SPINK5: variants seen among roughly 807,000 people sequenced by gnomAD.
SPINK5 encodes serine peptidase inhibitor Kazal type 5, also known as serine protease inhibitor Kazal-type 5.
A neutral mutation model predicts 151.8 loss-of-function variants in SPINK5; 125 were observed. The ratio of observed to expected loss-of-function variants is 0.82; its 90% CI spans 0.71 to 0.96. The LOEUF (loss-of-function observed/expected upper bound fraction) is 0.96. Ranked by LOEUF, SPINK5 falls within the 40% of genes least tolerant of loss-of-function variation. The pLI, the probability that SPINK5 is intolerant of heterozygous loss-of-function variation, is 0.00. For missense variants in SPINK5, 1,194 were observed against 1,291.9 expected (o/e 0.92, Z 1.16); for synonymous variants, 374 against 395.3 (o/e 0.95, Z 0.64).
intron 10 of SPINK5, among the ~76,000 whole-genome samples, chr5:148,096,695 G>C (rs1753470192): frequency 6.6e-6 from 1 of 150,692 alleles, no homozygotes; most frequent in Non-Finnish European, 1.5e-5. Flanking sequence ...CCCTCTGCCA[G>C]TATAACTCCA....
chr5:148,094,795 A>G (rs1581073804), intron 9 of SPINK5, among the ~76,000 whole-genome samples: 1 of 152,102 alleles, frequency 6.6e-6, no homozygotes, highest in East Asian at 1.9e-4. Context: ...TGGGGGTAAA[A>G]GCAGGTACCA....
chr5:148,097,551 C>T (rs183864606), intron 10 of SPINK5, among the ~76,000 whole-genome samples: 3 of 152,004 alleles, frequency 2.0e-5, no homozygotes, highest in Admixed American at 6.6e-5. Context: ...TTTCATTGTA[C>T]TTGTACACAC....
At chr5:148,099,559 T>C (rs1216365922) in intron 12 of SPINK5, among the ~76,000 whole-genome samples, 8 of 152,086 alleles carry the variant, frequency 5.3e-5, no homozygotes, top group African/African-American at 1.9e-4. Flanking sequence ...CTTCTAGTTT[T>C]ATCACTTATA....
intron 4 of SPINK5, among the ~76,000 whole-genome samples, chr5:148,074,579 G>A (rs1036316982): frequency 7.3e-5 from 11 of 151,534 alleles, no homozygotes; most frequent in Non-Finnish European, 1.3e-4. Context: ...CCCCTTCTTA[G>A]TTCATGTTGT....
intron 5 of SPINK5, 112 bp from the exon 6 acceptor site, chr5:148,088,430 C>G (rs1753216333): frequency 2.3e-6 from 2 of 861,080 alleles, no homozygotes; most frequent in Non-Finnish European, 3.9e-6. Flanking sequence ...TACTATGTGG[C>G]AGCTGTTTTC....
At chr5:148,078,320 G>T (rs1450620237) in intron 4 of SPINK5, among the ~76,000 whole-genome samples, 2 of 150,928 alleles carry the variant, frequency 1.3e-5, no homozygotes, top group Non-Finnish European at 3.0e-5. Context: ...GAAATGAAAA[G>T]AAATGAAGAA....
chr5:148,114,498 A>C lies in SPINK5; in HGVS notation c.2015+9A>C. On this transcript the variant is annotated intron_variant, in intron 21 of 32. Transcript: ENST00000256084. ...ATGTGTAAGGCAGTCTTGTGAGTGC[A>C]CAAAGAAAACCACTACTGTGGGATG... 3 of 1,613,118 alleles carry C rather than the reference A, an allele frequency of 1.9e-6. No individual in the cohort carries two copies. Among genetic ancestry groups the C allele is most frequent in the Non-Finnish European group, 2.5e-6 (3 of 1,179,364 alleles).
At chr5:148,130,743 A>G (rs1021845797) in intron 30 of SPINK5, among the ~76,000 whole-genome samples, 7 of 152,166 alleles carry the variant, frequency 4.6e-5, no homozygotes, top group African/African-American at 1.4e-4. Context: ...AAGCAGTAAT[A>G]TAAAGTAAGG....
chr5:148,090,739 C>T (rs1753286948), intron 7 of SPINK5: 4 of 179,814 alleles, frequency 2.2e-5, no homozygotes, highest in Admixed American at 2.2e-4. Context: ...ATGGCAATGT[C>T]TCAAATGCTC....
chr5:148,069,313 A>G (rs1752673127), intron 2 of SPINK5, among the ~76,000 whole-genome samples: 1 of 151,896 alleles, frequency 6.6e-6, no homozygotes, highest in Admixed American at 6.6e-5. Flanking sequence ...AGATCATTCT[A>G]CTTTCCTTTT....
chr5:148,126,200 C>A (rs1409390758), intron 29 of SPINK5, among the ~76,000 whole-genome samples: 2 of 151,938 alleles, frequency 1.3e-5, no homozygotes, highest in Non-Finnish European at 2.9e-5. Flanking sequence ...TTTTTACACC[C>A]CAAAATATAT....
chr5:148,083,487 T>A (rs1224155840), intron 4 of SPINK5, among the ~76,000 whole-genome samples: 1 of 151,490 alleles, frequency 6.6e-6, no homozygotes, highest in South Asian at 2.1e-4. Context: ...AGTAGTTTCT[T>A]CTTTCTAGCT....
At chr5:148,112,776 T>A in intron 19 of SPINK5, 92 bp from the exon 20 acceptor site, 1 of 1,577,620 alleles carries the variant, frequency 6.3e-7, no homozygotes. Flanking sequence ...GGTATAGAAG[T>A]AATGGACCAT....
chr5:148,079,267 C>G (rs1172756043), intron 4 of SPINK5, among the ~76,000 whole-genome samples: 1 of 150,928 alleles, frequency 6.6e-6, no homozygotes, highest in African/African-American at 2.4e-5. Flanking sequence ...TAAGTAAAGA[C>G]ATTGAATCAG....
chr5:148,098,839 A>G (rs4705054), intron 11 of SPINK5, among the ~76,000 whole-genome samples: 2 of 151,828 alleles, frequency 1.3e-5, no homozygotes, highest in Non-Finnish European at 2.9e-5. Context: ...TCTACCTCTC[A>G]TCTTCTCTGA....
chr5:148,073,883 A>AC (rs1390695886), intron 4 of SPINK5, among the ~76,000 whole-genome samples: 6 of 149,350 alleles, frequency 4.0e-5, no homozygotes, highest in African/African-American at 1.5e-4. Context: ...AAAAAAAAAA[A>AC]CCCTCTAGAT....
chr5:148,121,804 A>G (rs1030827290), intron 26 of SPINK5, among the ~76,000 whole-genome samples: 3 of 140,308 alleles, frequency 2.1e-5, no homozygotes, highest in African/African-American at 8.7e-5. Flanking sequence ...CAAAATAATA[A>G]TAATTAAAAA....
chr5:148,100,936 T>C (rs1753625387), intron 13 of SPINK5, among the ~76,000 whole-genome samples: 1 of 152,176 alleles, frequency 6.6e-6, no homozygotes, highest in South Asian at 2.1e-4. Context: ...AAGAACTTCC[T>C]AACAGTTTGC....
chr5:148,119,955 A>G, intron 24 of SPINK5, 54 bp from the exon 25 acceptor site: 1 of 1,600,542 alleles, frequency 6.2e-7, no homozygotes, highest in Non-Finnish European at 8.6e-7. Context: ...TCTCAAATCC[A>G]ATCAAATATT....
Sources: gnomAD v4.1 joint callset for allele counts (sites outside exome capture counted in the v4.1 genomes callset) on GRCh38, gnomAD v4.1.1 for gene constraint, MANE v1.5 for transcripts, NCBI Gene and HGNC (gene_info 2026-07-23, HGNC 2026-07-21) for gene names.